Variants in TASOR2 observed in about 807,000 individuals in gnomAD.
TASOR2 encodes protein TASOR 2.
Under a neutral mutation model 199.5 loss-of-function variants are expected in TASOR2, and 84 were observed. That is an observed-to-expected ratio of 0.42 (90% confidence interval 0.35 to 0.50). The LOEUF (loss-of-function observed/expected upper bound fraction) is 0.50. Ranked by LOEUF, TASOR2 falls within the 20% of genes least tolerant of loss-of-function variation. The pLI, the probability that TASOR2 is intolerant of heterozygous loss-of-function variation, is 0.02. For synonymous variants in TASOR2, 1,103 were observed against 1,046.6 expected (o/e 1.05, Z -1.04); for missense variants, 2,796 against 2,835.9 (o/e 0.99, Z 0.32).
exon 15 of TASOR2, chr10:5,749,963 G>A (rs749041405): frequency 1.2e-6 from 2 of 1,613,476 alleles, no homozygotes; most frequent in African/African-American, 2.7e-5. Flanking sequence ...AAAGAGGCTT[G>A]TAAAAGTACC....
Position 5,722,985 on chromosome 10 carries a change from G to A in TASOR2, c.147-692G>A, listed in dbSNP as rs1042693613. Among the ~76,000 whole-genome samples the A allele has an allele frequency of 6.6e-6, 1 of 150,610 alleles. No homozygotes were observed. Among genetic ancestry groups the A allele is most frequent in the East Asian group, 2.0e-4 (1 of 5,114 alleles). ...ATCGCACCACTGCACTCCAGCCTGG[G>A]TGACAGAGCCAGACTCCATCTCACA... is the stretch of plus-strand genomic sequence containing the variant. On this transcript the variant is annotated intron_variant, in intron 6 of 20. Coordinates refer to ENST00000328090, the Ensembl canonical transcript of TASOR2. This position sits in a 1 kb window ranked among gnomAD's most constrained non-coding sequence, Gnocchi z 4.0.
chr10:5,693,053 GC>G (rs1445156515), intron 1 of TASOR2: 1 of 152,334 alleles, frequency 6.6e-6, no homozygotes, highest in Non-Finnish European at 1.5e-5. Flanking sequence ...GAGAAAATGG[GC>G]CTATTCTGTC....
rs781693757 is a variant in TASOR2 at position 5,710,844 on chromosome 10, A to G, written c.-287-1979A>G. Among the ~76,000 whole-genome samples the G allele has an allele frequency of 7.9e-5, 12 of 152,104 alleles. No individual in the cohort carries two copies. The highest frequency in any genetic ancestry group is 1.5e-4 in the Non-Finnish European group (10 of 67,970). ...ATAAATATCAAATATAAAGTTCCCA[A>G]AATTATTGTTTCTAAAGAAATCTTG... On this transcript the variant is annotated intron_variant, in intron 1 of 20. Coordinates refer to ENST00000328090, the Ensembl canonical transcript of TASOR2. This position sits in a 1 kb window ranked among gnomAD's most constrained non-coding sequence, Gnocchi z 4.6.
intron 14 of TASOR2, among the ~76,000 whole-genome samples, chr10:5,745,095 TGCTTGAG>T (rs1308489606): frequency 6.6e-6 from 1 of 152,202 alleles, no homozygotes; most frequent in Non-Finnish European, 1.5e-5. Flanking sequence ...GACAAGGCCA[TGCTTGAG>T]GCTTTAAATA....
At position 5,742,128 on chromosome 10, in the gene TASOR2, G is replaced by A. The variant is rs1836522260; in HGVS notation, c.2359G>A (p.Glu787Lys). The change falls in exon 14 of 21, where the codon GAA becomes AAA. Residue 787 changes from glutamate to lysine, a missense_variant. By Grantham distance (56) the Glu-to-Lys change is moderately conservative. This residue lies in a region of TASOR2 where 1,941 missense variants were observed against 1,924.9 expected (regional missense o/e 1.01). Transcript: ENST00000328090. This position sits in a 1 kb window ranked among gnomAD's most constrained non-coding sequence, Gnocchi z 4.2. Reference sequence around the variant, plus strand: ...GAATACTGATTTGCCTGATAATGTGGAAGAAGTGAAGCTTTTACTTCATAT... The same window carrying A: ...GAATACTGATTTGCCTGATAATGTGAAAGAAGTGAAGCTTTTACTTCATAT... 2 of 1,613,952 alleles carry A rather than the reference G, an allele frequency of 1.2e-6. No homozygotes were observed. The highest frequency in any genetic ancestry group is 1.7e-6 in the Non-Finnish European group (2 of 1,180,006).
In TASOR2 at chr10:5,730,476, A is replaced by G. The variant is rs758186837; in HGVS notation, c.488-11A>G. Reference sequence around the variant, plus strand: ...AACTTCAGATGTTTAATACGTGTGTATATATTCTAGGGGTGAAAGATTTGA... The same window carrying G: ...AACTTCAGATGTTTAATACGTGTGTGTATATTCTAGGGGTGAAAGATTTGA... On this transcript the variant is annotated splice_polypyrimidine_tract_variant and intron_variant, in intron 10 of 20. Transcript: ENST00000328090. The surrounding 1 kb of genome is among the most constrained non-coding windows in gnomAD (Gnocchi z 4.1). 3.9e-6 allele frequency: 6 copies of G among 1,551,804 alleles called. No homozygotes were observed. Among genetic ancestry groups the G allele is most frequent in the Non-Finnish European group, 5.2e-6 (6 of 1,149,324 alleles).
In TASOR2 at chr10:5,740,842, C is replaced by T. The variant is rs1836313892; in HGVS notation, c.2327+345C>T. On this transcript the variant is annotated intron_variant, in intron 13 of 20. Transcript: ENST00000328090. The surrounding 1 kb of genome is among the most constrained non-coding windows in gnomAD (Gnocchi z 5.3). ...TGTGAGATTTAGAAATAATGCTTTACAGACTGAATTCCAGAAGAAACATTT... is the reference window on the plus strand; with the variant it reads ...TGTGAGATTTAGAAATAATGCTTTATAGACTGAATTCCAGAAGAAACATTT... Among the ~76,000 whole-genome samples the T allele has an allele frequency of 6.6e-6, 1 of 152,166 alleles. No homozygotes were observed. Among genetic ancestry groups the T allele is most frequent in the Admixed American group, 6.5e-5 (1 of 15,278 alleles).
chr10:5,696,763 G>A (rs964324117), intron 1 of TASOR2, among the ~76,000 whole-genome samples: 9 of 152,124 alleles, frequency 5.9e-5, no homozygotes, highest in Admixed American at 5.9e-4. Context: ...GAAATAAAAG[G>A]AGCTGAGTAT....
chr10:5,702,959 A>G (rs993456623), intron 1 of TASOR2, among the ~76,000 whole-genome samples: 1 of 152,194 alleles, frequency 6.6e-6, no homozygotes, highest in East Asian at 1.9e-4. Context: ...GAGGAACTAC[A>G]TGTCAGCTAC....
intron 1 of TASOR2, among the ~76,000 whole-genome samples, chr10:5,688,963 A>G (rs1836112094): frequency 6.6e-6 from 1 of 152,138 alleles, no homozygotes; most frequent in African/African-American, 2.4e-5. Context: ...TCATCATGCC[A>G]CTGCACACCT....
At position 5,690,093 on chromosome 10, in the gene TASOR2, A is replaced by G. The variant is rs1230820112; in HGVS notation, c.-288+4918A>G. ...ATATCTTCCTTGTATTTGTGGTTGTATCGTCTTTGCTTTCAATATTTAATT... is the reference window on the plus strand; with the variant it reads ...ATATCTTCCTTGTATTTGTGGTTGTGTCGTCTTTGCTTTCAATATTTAATT... On this transcript the variant is annotated intron_variant, in intron 1 of 20. Transcript: ENST00000328090. The surrounding 1 kb of genome is among the most constrained non-coding windows in gnomAD (Gnocchi z 4.8). Among the ~76,000 whole-genome samples, 1 of 152,106 alleles carries G rather than the reference A, an allele frequency of 6.6e-6. No homozygotes were observed. Among genetic ancestry groups the G allele is most frequent in the Non-Finnish European group, 1.5e-5 (1 of 68,012 alleles).
Position 5,762,660 on chromosome 10 carries a change from TTATG to T in TASOR2, c.7289+17_7289+20del, listed in dbSNP as rs1472631933. The T allele has an allele frequency of 1.7e-6, 2 of 1,182,200 alleles. No homozygotes were observed. The highest frequency in any genetic ancestry group is 2.4e-6 in the Non-Finnish European group (2 of 817,134). The allele number at this position is 1,182,200 out of a possible 1,614,324, so 73.2% of individuals were successfully genotyped here. A position where few individuals can be genotyped will look rare whatever the true frequency, so the allele number is the denominator to read the frequency against. On this transcript the variant is annotated intron_variant, in intron 20 of 20. Coordinates refer to ENST00000328090, the Ensembl canonical transcript of TASOR2. ...GAGTAGCTATTGGTAAGAACACTTT[TTATG>T]TAACTTTCCCATGTGAGTTGGAGTT...
rs1456039027 is a variant in TASOR2, at chr10:5,689,429, G to T, written c.-288+4254G>T. 2.6e-5 allele frequency among the ~76,000 whole-genome samples: 4 copies of T among 152,138 alleles called. No individual in the cohort carries two copies. The highest frequency in any genetic ancestry group is 5.9e-5 in the Non-Finnish European group (4 of 68,020). ...AGCCTGACCAATATGGTGAAACTCT[G>T]TCTCTACTAAAAATACAAAAATTAT... On this transcript the variant is annotated intron_variant, in intron 1 of 20. Transcript: ENST00000328090. This position sits in a 1 kb window ranked among gnomAD's most constrained non-coding sequence, Gnocchi z 4.1.
chr10:5,736,364 G>A (rs540434866), intron 12 of TASOR2, among the ~76,000 whole-genome samples: 1 of 151,926 alleles, frequency 6.6e-6, no homozygotes, highest in Admixed American at 6.6e-5. Context: ...GTTGTGGTGA[G>A]CCGAGATCGC....
Position 5,730,658 on chromosome 10 carries a change from C to G in TASOR2, c.659C>G (p.Pro220Arg). ...GAATTGTACAAGGCGGACAGAAGCC[C>G]TTCATTGAGTGTTGCTCCTCAGGAT... The change falls in exon 11 of 21, where the codon CCT (proline) becomes CGT (arginine). Residue 220 changes from proline to arginine, a missense_variant. This residue lies in a region of TASOR2 where 847 missense variants were observed against 887.4 expected (regional missense o/e 0.95). Transcript: ENST00000328090. This position sits in a 1 kb window ranked among gnomAD's most constrained non-coding sequence, Gnocchi z 4.1. 1 of 1,614,190 alleles carries G rather than the reference C, an allele frequency of 6.2e-7. No homozygotes were observed. The highest frequency in any genetic ancestry group is 8.5e-7 in the Non-Finnish European group (1 of 1,180,032).
Position 5,696,138 on chromosome 10 carries a change from T to C in TASOR2, c.-288+10963T>C, listed in dbSNP as rs374834521. On this transcript the variant is annotated intron_variant, in intron 1 of 20. Transcript: ENST00000328090. The stretch of plus-strand genomic sequence containing the variant: ...GGTCAACATGCTGAACCTAGAGCGG[T>C]TGTCTTTTTTTGATTGGCTTCCAAA... Among the ~76,000 whole-genome samples, 135 of 152,230 alleles carry C rather than the reference T, an allele frequency of 8.9e-4. 1 individual carries two copies. The highest frequency in any genetic ancestry group is 3.2e-3 in the African/African-American group (133 of 41,520).
intron 11 of TASOR2, among the ~76,000 whole-genome samples, chr10:5,733,363 C>G (rs1474531023): frequency 6.6e-6 from 1 of 152,038 alleles, no homozygotes; most frequent in Non-Finnish European, 1.5e-5. Context: ...CAAAAAATAG[C>G]CAGGTATGGG....
Position 5,719,056 on chromosome 10 carries a change from G to C in TASOR2, c.-100+1306G>C, listed in dbSNP as rs1185580788. 6.6e-6 allele frequency among the ~76,000 whole-genome samples: 1 copy of C among 152,102 alleles called. No individual in the cohort carries two copies. Among genetic ancestry groups the C allele is most frequent in the African/African-American group, 2.4e-5 (1 of 41,416 alleles). On this transcript the variant is annotated intron_variant, in intron 3 of 20. Coordinates refer to ENST00000328090, the Ensembl canonical transcript of TASOR2. The surrounding 1 kb of genome is among the most constrained non-coding windows in gnomAD (Gnocchi z 4.1). ...TGATGAGGAGATGGTAGAGATGATT[G>C]GTTACTGATAAGTACTATTTACATT... is the stretch of plus-strand genomic sequence containing the variant.
Position 5,723,756 on chromosome 10 carries a change from C to T in TASOR2, c.226C>T (p.Gln76Ter). 1 of 1,593,856 alleles carries T rather than the reference C, an allele frequency of 6.3e-7. No homozygotes were observed. The highest frequency in any genetic ancestry group is 8.6e-7 in the Non-Finnish European group (1 of 1,167,718). Residue 76 changes from glutamine to a stop codon, truncating the protein, a stop_gained, in exon 7 of 21, where the codon CAG (glutamine) becomes TAG (stop). Transcript: ENST00000328090. LOFTEE classifies it high-confidence loss of function. ...ACTACCAGAGGCTGCCTTCAGAAAA[C>T]AGAATTACTTGGAGGAGAAAGGTCT... is the stretch of plus-strand genomic sequence containing the variant.
Sources: gnomAD v4.1 joint callset for allele counts (sites outside exome capture counted in the v4.1 genomes callset) on GRCh38, gnomAD v4.1.1 for gene constraint, gnomAD v4.1.1 regional missense constraint, Gnocchi (gnomAD v3.1) non-coding constraint, MANE v1.5 for transcripts, NCBI Gene and HGNC (gene_info 2026-07-23, HGNC 2026-07-21) for gene names.